Variants in IFT80 observed in about 807,000 individuals in gnomAD.
IFT80 encodes the protein intraflagellar transport protein 80 homolog.
Under a neutral mutation model 107.9 loss-of-function variants are expected in IFT80, and 79 were observed. The ratio of observed to expected loss-of-function variants is 0.73; its 90% CI spans 0.61 to 0.88. The LOEUF (loss-of-function observed/expected upper bound fraction) is 0.88, where lower values mean the gene tolerates loss of function less well. IFT80 is among the 40% of genes least tolerant of loss of function. The probability of loss-of-function intolerance (pLI) is 0.00; values close to 1 mark genes in which losing one functional copy is unlikely to be tolerated. For synonymous variants in IFT80, 299 were observed against 300.9 expected (o/e 0.99, Z 0.07); for missense variants, 797 against 914.2 (o/e 0.87, Z 1.65).
intron 8 of IFT80, among the ~76,000 whole-genome samples, chr3:160,323,204 A>G (rs1718399442): frequency 6.7e-6 from 1 of 149,234 alleles, no homozygotes. Context: ...ATCTTGAATT[A>G]ATTTTTGTAT....
chr3:160,303,238 GCTGT>G (rs1396787492), intron 11 of IFT80, among the ~76,000 whole-genome samples: 1 of 152,120 alleles, frequency 6.6e-6, no homozygotes, highest in Non-Finnish European at 1.5e-5. Flanking sequence ...TTGGGTTGTA[GCTGT>G]CTAAGTCCTC....
intron 6 of IFT80, among the ~76,000 whole-genome samples, chr3:160,363,924 A>T (rs537798486): frequency 1.3e-5 from 2 of 152,346 alleles, no homozygotes; most frequent in Middle Eastern, 3.4e-3. Context: ...AATCTAGGCA[A>T]TACCATTCAG....
At chr3:160,349,359 G>C (rs972783602) in intron 8 of IFT80, among the ~76,000 whole-genome samples, 1 of 151,956 alleles carries the variant, frequency 6.6e-6, no homozygotes, top group Non-Finnish European at 1.5e-5. Flanking sequence ...TGAGGCAGGA[G>C]AATCTCTTGA....
chr3:160,343,878 G>A, intron 8 of IFT80: 2 of 229,254 alleles, frequency 8.7e-6, no homozygotes, highest in South Asian at 4.5e-5. Flanking sequence ...GCAAGTACCT[G>A]GCATCTAACA....
chr3:160,265,153 T>C (rs1713204153), intron 19 of IFT80, among the ~76,000 whole-genome samples: 2 of 152,220 alleles, frequency 1.3e-5, no homozygotes, highest in Non-Finnish European at 2.9e-5. Flanking sequence ...CTGTCACGTT[T>C]ACTATTATAT....
In IFT80 at chr3:160,356,158, A is replaced by T. The variant is rs770339585; in HGVS notation, c.640-8T>A. 39 of 1,610,892 alleles carry T rather than the reference A, an allele frequency of 2.4e-5. No individual in the cohort carries two copies. The African/African-American group carries it at 4.8e-4, about 20-fold the overall frequency. On this transcript the variant is annotated splice_polypyrimidine_tract_variant and splice_region_variant and intron_variant, in intron 7 of 19. Coordinates refer to ENST00000326448, the MANE Select transcript of IFT80 (RefSeq NM_020800.3). ...GCCGTAACTATCCCATACCTACAAA[A>T]GCAATTTTTAAAAATCTTTTATAAT...
intron 8 of IFT80, among the ~76,000 whole-genome samples, chr3:160,331,343 T>G (rs556287779): frequency 3.9e-5 from 6 of 152,300 alleles, no homozygotes; most frequent in African/African-American, 1.4e-4. Flanking sequence ...TGAGATTTCA[T>G]CATGCTGCTC....
intron 1 of IFT80, among the ~76,000 whole-genome samples, chr3:160,397,506 G>C (rs1005355884): frequency 3.3e-5 from 5 of 152,134 alleles, no homozygotes; most frequent in African/African-American, 2.4e-5. Context: ...TCCTTATGGA[G>C]CATGTGCTAG....
At chr3:160,276,378 C>A (rs1170090647) in intron 18 of IFT80, among the ~76,000 whole-genome samples, 1 of 152,008 alleles carries the variant, frequency 6.6e-6, no homozygotes. Flanking sequence ...AAGGGAAAGA[C>A]AGAGATAAAA....
At chr3:160,346,553 A>G (rs1459946414) in intron 8 of IFT80, among the ~76,000 whole-genome samples, 1 of 152,168 alleles carries the variant, frequency 6.6e-6, no homozygotes, top group Non-Finnish European at 1.5e-5. Context: ...TGTTTTTAAT[A>G]TCATAATGTG....
intron 8 of IFT80, among the ~76,000 whole-genome samples, chr3:160,337,608 GGTGAGA>G (rs1719593634): frequency 6.6e-6 from 1 of 152,038 alleles, no homozygotes; most frequent in South Asian, 2.1e-4. Context: ...TAGGTGACAG[GGTGAGA>G]CTCTGTCTCC....
chr3:160,374,803 A>T (rs1402740895), intron 5 of IFT80, among the ~76,000 whole-genome samples: 1 of 152,236 alleles, frequency 6.6e-6, no homozygotes, highest in Non-Finnish European at 1.5e-5. Flanking sequence ...AAGTAACAAT[A>T]AGTTGACTTT....
rs1719221083 is a variant in IFT80 at position 160,333,357 on chromosome 3, T to G, written c.778-13418A>C. Among the ~76,000 whole-genome samples the G allele has an allele frequency of 2.6e-5, 4 of 152,260 alleles. No homozygotes were observed. In the South Asian group the frequency reaches 8.3e-4, roughly 32 times the overall value. On this transcript the variant is annotated intron_variant, in intron 8 of 19. Transcript: ENST00000326448. ...AGTTATTAAAAAAATTTTTCTTTCT[T>G]CAATAACAAATTAACTTCAGCTGAC...
In IFT80 at chr3:160,258,436, C is replaced by G; in HGVS notation, c.*89G>C. ...TACTTATACTCGGTTAAAGATTATG[C>G]TTTTTTCTTTAGCAACCAAAACATG... is the stretch of plus-strand genomic sequence containing the variant. On this transcript the variant is annotated 3_prime_UTR_variant, in exon 20 of 20. Coordinates refer to ENST00000326448, the MANE Select transcript of IFT80 (RefSeq NM_020800.3). The G allele has an allele frequency of 6.5e-7, 1 of 1,538,854 alleles. No homozygotes were observed. The highest frequency in any genetic ancestry group is 8.9e-7 in the Non-Finnish European group (1 of 1,122,452).
intron 5 of IFT80, among the ~76,000 whole-genome samples, chr3:160,370,656 A>G (rs2108385332): frequency 6.6e-6 from 1 of 152,168 alleles, no homozygotes; most frequent in Non-Finnish European, 1.5e-5. Flanking sequence ...TTACTCCCAA[A>G]TTAATATTTT....
intron 12 of IFT80, among the ~76,000 whole-genome samples, chr3:160,297,565 T>C (rs1465550707): frequency 1.3e-5 from 2 of 152,120 alleles, no homozygotes; most frequent in African/African-American, 2.4e-5. Context: ...GTCACCGCTA[T>C]ATTCACCAAG....
At chr3:160,311,935 C>T (rs1178582084) in intron 9 of IFT80, among the ~76,000 whole-genome samples, 2 of 152,136 alleles carry the variant, frequency 1.3e-5, no homozygotes, top group Non-Finnish European at 2.9e-5. Context: ...CGCCCGCCAC[C>T]ACACCCGGCT....
At chr3:160,268,345 CATT>C in intron 19 of IFT80, 65 bp downstream of exon 19, 1 of 1,370,080 alleles carries the variant, frequency 7.3e-7, no homozygotes, top group South Asian at 1.2e-5. Context: ...CATTTTGTCT[CATT>C]AGGATGAATA....
intron 10 of IFT80, among the ~76,000 whole-genome samples, chr3:160,307,368 C>G (rs922984621): frequency 6.6e-6 from 1 of 152,170 alleles, no homozygotes; most frequent in Admixed American, 6.5e-5. Context: ...ATGCTGGTCT[C>G]AAGCCCCTGC....
Sources: gnomAD v4.1 joint callset for allele counts (sites outside exome capture counted in the v4.1 genomes callset) on GRCh38, gnomAD v4.1.1 for gene constraint, MANE v1.5 for transcripts, NCBI Gene and HGNC (gene_info 2026-07-23, HGNC 2026-07-21) for gene names.